The following SCP2 variants were observed in gnomAD, a reference collection of about 807,000 sequenced individuals.
SCP2 encodes sterol carrier protein 2, also known as SCP-2/3-oxoacyl-CoA thiolase.
In SCP2, 48 loss-of-function variants were observed where a neutral mutation model predicts 71.4. The ratio of observed to expected loss-of-function variants is 0.67; its 90% CI spans 0.53 to 0.86. The LOEUF is 0.86. Ranked by LOEUF, SCP2 falls within the 40% of genes least tolerant of loss-of-function variation. The pLI is 0.00. For missense variants in SCP2, 560 were observed against 655.6 expected (o/e 0.85, Z 1.59); for synonymous variants, 220 against 218.1 (o/e 1.01, Z -0.08).
chr1:53,041,632 G>A (rs575810374), intron 14 of SCP2, among the ~76,000 whole-genome samples: 100 of 152,256 alleles, frequency 6.6e-4, no homozygotes, highest in Non-Finnish European at 1.1e-3. Flanking sequence ...CTAAGTGAGC[G>A]GAGAGGATGA....
chr1:52,990,156 T>G (rs1659339830), intron 11 of SCP2, among the ~76,000 whole-genome samples: 1 of 141,926 alleles, frequency 7.0e-6, no homozygotes, highest in Non-Finnish European at 1.5e-5. Flanking sequence ...CTTGGAAAAG[T>G]CACTAAATAA....
In SCP2 at chr1:52,964,604, G is replaced by A. The variant is rs546219101; in HGVS notation, c.523+2975G>A. Among the ~76,000 whole-genome samples the A allele has an allele frequency of 9.3e-4, 142 of 152,304 alleles. 1 individual carries two copies. The highest frequency in any genetic ancestry group is 1.8e-3 in the Non-Finnish European group (123 of 68,026). On this transcript the variant is annotated intron_variant, in intron 6 of 15. Coordinates refer to ENST00000371514, the MANE Select transcript of SCP2 (RefSeq NM_002979.5). ...AAGTAATTTCAGACTGAACAAGAAT[G>A]TTGCCAAAATAGTACAAGAATTCCT...
Position 52,954,776 on chromosome 1 carries a change from A to G in SCP2, c.368A>G (p.Lys123Arg). ...TGTGTCTTGGCTCTTGGGTTTGAGA[A>G]GATGAGTAAGGGAAGCCTTGGAATA... is the stretch of plus-strand genomic sequence containing the variant. ...AECVLALGFE[K>R]MSKGSLGIKF... Residue 123 changes from lysine (K) to arginine (R), a missense_variant, in exon 5 of 16, where the codon AAG (lysine) becomes AGG (arginine). By Grantham distance (26) the Lys-to-Arg change is conservative. This residue lies in a region of SCP2 where 513 missense variants were observed against 573.1 expected (regional missense o/e 0.90). Transcript: ENST00000371514. 6.2e-7 allele frequency: 1 copy of G among 1,613,902 alleles called. No homozygotes were observed.
chr1:53,014,868 T>G (rs1450038025), intron 11 of SCP2, 22 bp from the exon 12 acceptor site: 2 of 1,611,782 alleles, frequency 1.2e-6, no homozygotes, highest in African/African-American at 2.7e-5. Flanking sequence ...AGCAGCTCAG[T>G]GCTCTGTGTT....
At chr1:53,007,876 C>T (rs183357616) in intron 11 of SCP2, among the ~76,000 whole-genome samples, 1,686 of 151,760 alleles carry the variant, frequency 0.011, 34 homozygotes, top group African/African-American at 0.038. Flanking sequence ...ATTGATAGAC[C>T]GCTAGCAAGA....
Position 53,047,863 on chromosome 1 carries a change from A to C in SCP2, c.1474A>C (p.Lys492Gln). ...CTCCTGTGTATCTGTTTTAGATAAG[A>C]AGGCTGACTGCACAATCACAATGGC... ...KGSVLPNSDK[K>Q]ADCTITMADS... Residue 492 changes from lysine to glutamine, a missense_variant, in exon 15 of 16, where the codon AAG becomes CAG. By Grantham distance (53) the Lys-to-Gln change is moderately conservative. Transcript: ENST00000371514. 6.2e-7 allele frequency: 1 copy of C among 1,610,696 alleles called. No individual in the cohort carries two copies. The highest frequency in any genetic ancestry group is 8.5e-7 in the Non-Finnish European group (1 of 1,176,890).
chr1:53,001,577 G>A lies in SCP2; in HGVS notation c.1082-13313G>A, dbSNP rs188141552. Among the ~76,000 whole-genome samples the A allele has an allele frequency of 2.4e-3, 370 of 152,286 alleles. 1 individual carries two copies. The highest frequency in any genetic ancestry group is 0.017 in the Middle Eastern group (5 of 292). On this transcript the variant is annotated intron_variant, in intron 11 of 15. Transcript: ENST00000371514. ...AAAGAAGAAAATAGAGGCATGGAGA[G>A]TTTAAATGATTTGCATGAAGTCATC...
At chr1:52,970,538 C>T (rs1234469038) in intron 6 of SCP2, among the ~76,000 whole-genome samples, 2 of 149,348 alleles carry the variant, frequency 1.3e-5, no homozygotes, top group Admixed American at 1.3e-4. Context: ...TTTCATTTTG[C>T]TTTTTTTTTT....
chr1:53,021,014 CT>C (rs1015441469), intron 12 of SCP2, among the ~76,000 whole-genome samples: 13 of 148,122 alleles, frequency 8.8e-5, no homozygotes, highest in East Asian at 3.9e-4. Context: ...ACAGCAACCA[CT>C]TTTTTTTTTA....
chr1:52,943,174 G>A (rs568755608), intron 2 of SCP2, among the ~76,000 whole-genome samples: 1 of 151,130 alleles, frequency 6.6e-6, no homozygotes, highest in Non-Finnish European at 1.5e-5. Flanking sequence ...CCAATAACAA[G>A]AACAGAATAT....
At chr1:52,961,458 A>C (rs376057104) in intron 5 of SCP2, 45 bp from the exon 6 acceptor site, 1 of 1,606,166 alleles carries the variant, frequency 6.2e-7, no homozygotes, top group Non-Finnish European at 8.5e-7. Flanking sequence ...TGAAAGAGAC[A>C]CTTATCATGT....
intron 12 of SCP2, among the ~76,000 whole-genome samples, chr1:53,023,983 G>T (rs1454019550): frequency 6.6e-6 from 1 of 152,070 alleles, no homozygotes; most frequent in Non-Finnish European, 1.5e-5. Context: ...ACACCCATCT[G>T]ATCCTCTTTC....
At chr1:52,954,430 G>C (rs1466550965) in intron 4 of SCP2, among the ~76,000 whole-genome samples, 1 of 152,018 alleles carries the variant, frequency 6.6e-6, no homozygotes. Context: ...GAATTTCTGG[G>C]CTCAAGTGAC....
At chr1:53,006,041 C>A (rs888134403) in intron 11 of SCP2, among the ~76,000 whole-genome samples, 2 of 151,790 alleles carry the variant, frequency 1.3e-5, no homozygotes, top group Non-Finnish European at 2.9e-5. Flanking sequence ...GATTGAAGAT[C>A]AAATGAATGA....
At chr1:52,972,428 C>T (rs924740069) in intron 6 of SCP2, among the ~76,000 whole-genome samples, 2 of 151,958 alleles carry the variant, frequency 1.3e-5, no homozygotes, top group East Asian at 1.9e-4. Context: ...TCCTATGTTA[C>T]GAAAAAAGGA....
intron 11 of SCP2, chr1:52,995,328 G>GC (rs1659851478): frequency 2.1e-6 from 1 of 477,688 alleles, no homozygotes; most frequent in Admixed American, 2.5e-5. Context: ...TTGACAATGA[G>GC]GCCCTCTATG....
At chr1:52,969,711 C>G (rs988482509) in intron 6 of SCP2, among the ~76,000 whole-genome samples, 5 of 151,976 alleles carry the variant, frequency 3.3e-5, no homozygotes, top group Non-Finnish European at 7.4e-5. Flanking sequence ...ATCCCAGCAA[C>G]TGGGGAGGCT....
chr1:53,047,195 A>G (rs1258105703), intron 14 of SCP2, among the ~76,000 whole-genome samples: 1 of 152,180 alleles, frequency 6.6e-6, no homozygotes, highest in African/African-American at 2.4e-5. Flanking sequence ...GGCCCTCTCC[A>G]TAGGAAGTCC....
At chr1:52,956,194 C>T (rs560401972) in intron 5 of SCP2, among the ~76,000 whole-genome samples, 51 of 152,202 alleles carry the variant, frequency 3.4e-4, no homozygotes, top group African/African-American at 1.2e-3. Context: ...ATCCCAGCTA[C>T]TCGGGAGGCT....
Sources: allele counts gnomAD v4.1 joint callset (sites outside exome capture counted in the v4.1 genomes callset), GRCh38; gene constraint gnomAD v4.1.1; regional missense constraint gnomAD v4.1.1; transcripts MANE v1.5; gene names NCBI Gene and HGNC (gene_info 2026-07-23, HGNC 2026-07-21).